The following ACSM1 variants were observed in gnomAD, a reference collection of about 807,000 sequenced individuals.
ACSM1 encodes acyl-CoA synthetase medium chain family member 1.
ACSM1 carries 79 observed loss-of-function variants against 75.8 expected under a neutral mutation model. The observed-to-expected ratio is 1.04, with a 90% CI of 0.87 to 1.26. The LOEUF is 1.26. ACSM1 is among the 50% of genes most tolerant of loss of function. The pLI is 0.00. For synonymous variants in ACSM1, 279 were observed against 265.8 expected (o/e 1.05, Z -0.48); for missense variants, 676 against 720.1 (o/e 0.94, Z 0.70).
intron 4 of ACSM1, chr16:20,675,998 C>A (rs1478206555): frequency 6.6e-6 from 1 of 152,224 alleles, no homozygotes; most frequent in African/African-American, 2.4e-5. Context: ...AAAGAGAAAA[C>A]CAGTTTTGCA....
intron 6 of ACSM1, 95 bp downstream of exon 6, chr16:20,669,732 G>A: frequency 7.7e-7 from 1 of 1,296,138 alleles, no homozygotes; most frequent in Non-Finnish European, 1.1e-6. Context: ...AGGCTCATGG[G>A]CTTCTTTGCT....
At chr16:20,658,320 T>C (rs1018633963) in intron 7 of ACSM1, among the ~76,000 whole-genome samples, 3 of 152,224 alleles carry the variant, frequency 2.0e-5, no homozygotes, top group African/African-American at 7.2e-5. Context: ...TGAGATGGTA[T>C]TTCATTGTGG....
intron 11 of ACSM1, among the ~76,000 whole-genome samples, 174 bp downstream of exon 11, chr16:20,627,015 C>T (rs970810191): frequency 2.0e-5 from 3 of 151,966 alleles, no homozygotes; most frequent in African/African-American, 4.8e-5. Context: ...GATTCTTCTG[C>T]GTGCAGAGAA....
At chr16:20,654,796 G>A (rs1347338896) in intron 7 of ACSM1, among the ~76,000 whole-genome samples, 2 of 152,296 alleles carry the variant, frequency 1.3e-5, no homozygotes, top group East Asian at 1.9e-4. Flanking sequence ...TTACACTGTT[G>A]GTGGGACTGT....
At chr16:20,640,757 G>A (rs2018007305) in intron 7 of ACSM1, among the ~76,000 whole-genome samples, 173 bp from the exon 8 acceptor site, 1 of 152,218 alleles carries the variant, frequency 6.6e-6, no homozygotes, top group Non-Finnish European at 1.5e-5. Flanking sequence ...CTTCCTGCCA[G>A]TCCCTGCGAA....
intron 6 of ACSM1, among the ~76,000 whole-genome samples, chr16:20,663,435 C>T (rs182386550): frequency 6.6e-6 from 1 of 152,172 alleles, no homozygotes; most frequent in African/African-American, 2.4e-5. Flanking sequence ...CAGTGTTGGT[C>T]CCCTGGACCC....
rs1692729 is a variant in ACSM1 at position 20,627,254 on chromosome 16, A to C, written c.1362T>G (p.Gly454=). Residue 454 remains glycine (G), a synonymous_variant, in exon 11 of 14, where the codon GGT becomes GGG. Coordinates refer to ENST00000520010, the MANE Select transcript of ACSM1 (RefSeq NM_001318890.3). ...CGDFYNTGDR[G]KMDEEGYICF... ...AAATGTAGCCCTCTTCATCCATCTT[A>C]CCTCTGTCCCCAGTGTTGTAGAAGT... is the stretch of plus-strand genomic sequence containing the variant. The C allele has an allele frequency of 6.3e-7, 1 of 1,590,122 alleles. No individual in the cohort carries two copies. Among genetic ancestry groups the C allele is most frequent in the Admixed American group, 1.8e-5 (1 of 56,650 alleles).
Position 20,636,747 on chromosome 16 carries a change from A to G in ACSM1, c.1291T>C (p.Cys431Arg), listed in dbSNP as rs993936153. The change falls in exon 10 of 14, where the codon TGC (cysteine) becomes CGC (arginine). Residue 431 changes from cysteine (C) to arginine (R), a missense_variant. Cys to Arg is a radical substitution (Grantham distance 180). Transcript: ENST00000520010. Reference protein sequence around the residue: ...KPVRPVSLFMCYEGDPEKTAK... With the variant: ...KPVRPVSLFMRYEGDPEKTAK... The stretch of plus-strand genomic sequence containing the variant: ...AGATGGGGGGTCATTACCTCATAGC[A>G]CATGAAGAGGCTCACAGGCCTGACA... 3 of 1,613,676 alleles carry G rather than the reference A, an allele frequency of 1.9e-6. No individual in the cohort carries two copies. The African/African-American group carries it at 4.0e-5, about 22-fold the overall frequency.
At chr16:20,666,932 T>C (rs904523725) in intron 6 of ACSM1, among the ~76,000 whole-genome samples, 3 of 152,130 alleles carry the variant, frequency 2.0e-5, no homozygotes, top group Non-Finnish European at 4.4e-5. Flanking sequence ...TTTCGCCATA[T>C]ACAAAAATTA....
At chr16:20,672,285 TA>T (rs1324295574) in intron 4 of ACSM1, among the ~76,000 whole-genome samples, 1 of 146,484 alleles carries the variant, frequency 6.8e-6, no homozygotes, top group African/African-American at 2.5e-5. Flanking sequence ...AGGGGGAGAG[TA>T]AAAAAAATAT....
At chr16:20,641,358 A>G (rs1197789426) in intron 7 of ACSM1, among the ~76,000 whole-genome samples, 1 of 152,134 alleles carries the variant, frequency 6.6e-6, no homozygotes, top group Non-Finnish European at 1.5e-5. Flanking sequence ...CTCTTTTTGT[A>G]GGGAAAAAGC....
chr16:20,644,741 G>C (rs1042640575), intron 7 of ACSM1, among the ~76,000 whole-genome samples: 9 of 152,152 alleles, frequency 5.9e-5, no homozygotes, highest in African/African-American at 2.2e-4. Context: ...AGTTAGTTTA[G>C]ACTAAACAAG....
chr16:20,680,029 G>A (rs1360560483), intron 4 of ACSM1: 2 of 152,126 alleles, frequency 1.3e-5, no homozygotes, highest in Admixed American at 6.5e-5. Context: ...GCAGCCCTAA[G>A]CATCTGTACA....
intron 10 of ACSM1, among the ~76,000 whole-genome samples, chr16:20,634,149 T>C (rs920316452): frequency 2.0e-5 from 3 of 152,180 alleles, no homozygotes; most frequent in Non-Finnish European, 4.4e-5. Flanking sequence ...CAACAAATAG[T>C]GCTGGGAAAC....
chr16:20,682,407 G>T lies in ACSM1; in HGVS notation c.460C>A (p.Leu154Ile), dbSNP rs1372002861. The T allele has an allele frequency of 8.1e-6, 13 of 1,613,922 alleles. No individual in the cohort carries two copies. Among genetic ancestry groups the T allele is most frequent in the Non-Finnish European group, 1.0e-5 (12 of 1,179,942 alleles). Reference protein sequence around the residue: ...LLKAKDILYRLQLSKAKGIVT... With the variant: ...LLKAKDILYRIQLSKAKGIVT... The stretch of plus-strand genomic sequence containing the variant: ...ATGCCCTTGGCTTTAGACAACTGTA[G>T]TCGATAGAGAATGTCTTTGGCCTTC... Residue 154 changes from leucine to isoleucine, a missense_variant, in exon 4 of 14, where the codon CTA becomes ATA. Leu to Ile is a conservative substitution (Grantham distance 5). Coordinates refer to ENST00000520010, the MANE Select transcript of ACSM1 (RefSeq NM_001318890.3).
intron 4 of ACSM1, chr16:20,673,983 G>A (rs1347523726): frequency 2.8e-6 from 1 of 362,238 alleles, no homozygotes; most frequent in Admixed American, 3.5e-5. Context: ...CAAGGAACTA[G>A]GTCAGGGTCA....
intron 2 of ACSM1, among the ~76,000 whole-genome samples, chr16:20,689,641 T>A (rs1412328973): frequency 1.3e-5 from 2 of 152,228 alleles, no homozygotes; most frequent in Non-Finnish European, 2.9e-5. Flanking sequence ...ATGCTTATAG[T>A]TTAATATTAA....
intron 10 of ACSM1, among the ~76,000 whole-genome samples, chr16:20,635,111 T>A (rs1162788246): frequency 6.6e-6 from 1 of 151,132 alleles, no homozygotes; most frequent in Non-Finnish European, 1.5e-5. Flanking sequence ...CAAAAAAAAA[T>A]TAGCTGGGTG....
At chr16:20,675,859 C>G (rs575707384) in intron 4 of ACSM1, among the ~76,000 whole-genome samples, 12 of 152,176 alleles carry the variant, frequency 7.9e-5, no homozygotes, top group Non-Finnish European at 1.5e-5. Flanking sequence ...AAACCAGCTG[C>G]GCTGGCGGCT....
Sources: allele counts gnomAD v4.1 joint callset (sites outside exome capture counted in the v4.1 genomes callset), GRCh38; gene constraint gnomAD v4.1.1; transcripts MANE v1.5; gene names NCBI Gene and HGNC (gene_info 2026-07-23, HGNC 2026-07-21).